Variants in CFAP54 observed in about 807,000 individuals in gnomAD.
CFAP54 encodes the protein cilia and flagella associated protein 54, also known as cilia- and flagella-associated protein 54.
In CFAP54, 290 loss-of-function variants were observed where a neutral mutation model predicts 370.4. The ratio of observed to expected loss-of-function variants is 0.78; its 90% CI spans 0.71 to 0.86. CFAP54 has a LOEUF of 0.86. CFAP54 is among the 40% of genes least tolerant of loss of function. CFAP54 has a pLI of 0.00. For missense variants in CFAP54, 3,399 were observed against 3,528.7 expected, an observed-to-expected ratio of 0.96 and a Z score of 0.93; for synonymous variants, 1,206 against 1,236.5, an observed-to-expected ratio of 0.98 and a Z score of 0.52.
At chr12:96,868,291 A>G (rs1489719517) in intron 67 of CFAP54, among the ~76,000 whole-genome samples, 2 of 152,062 alleles carry the variant, frequency 1.3e-5, no homozygotes, top group Admixed American at 6.6e-5. Context: ...TTGTACAAAA[A>G]TTTATTCTTA....
Position 96,764,184 on chromosome 12 carries a change from ACAT to A in CFAP54, c.8077_8079del (p.Ser2693del). The A allele has an allele frequency of 6.2e-7, 1 of 1,613,388 alleles. No homozygotes were observed. Among genetic ancestry groups the A allele is most frequent in the East Asian group, 2.2e-5 (1 of 44,850 alleles). ...CAGAAGAAGTAGTTCTGTTAAAGAA[ACAT>A]CAGCAAATAAATTTGAAATGTACAG... On this transcript the variant is annotated inframe_deletion, in exon 59 of 68. Transcript: ENST00000524981.
At chr12:96,811,310 G>C (rs1958925753) in intron 63 of CFAP54, among the ~76,000 whole-genome samples, 1 of 152,128 alleles carries the variant, frequency 6.6e-6, no homozygotes, top group African/African-American at 2.4e-5. Context: ...GTGTGGATTG[G>C]ATAAATGGAG....
Position 96,509,651 on chromosome 12 carries a change from A to G in CFAP54, c.739+2552A>G, listed in dbSNP as rs183412107. Among the ~76,000 whole-genome samples the G allele has an allele frequency of 2.0e-4, 31 of 152,116 alleles. No homozygotes were observed. The East Asian group carries it at 5.8e-3, about 29-fold the overall frequency. On this transcript the variant is annotated intron_variant, in intron 4 of 67. Transcript: ENST00000524981. ...GCTAACATGGTGAAACTGGGTCTCTACTAAAAGTACAAAAATTATCCGGGT... is the reference window on the plus strand; with the variant it reads ...GCTAACATGGTGAAACTGGGTCTCTGCTAAAAGTACAAAAATTATCCGGGT...
intron 67 of CFAP54, among the ~76,000 whole-genome samples, chr12:96,865,308 A>G (rs1305978211): frequency 6.6e-6 from 1 of 152,230 alleles, no homozygotes; most frequent in East Asian, 1.9e-4. Flanking sequence ...TGGATTAATA[A>G]CAGAGATATA....
chr12:96,563,759 C>T (rs1052574557), intron 17 of CFAP54, among the ~76,000 whole-genome samples: 12 of 152,186 alleles, frequency 7.9e-5, no homozygotes, highest in Admixed American at 6.5e-4. Flanking sequence ...TAGCTACCCT[C>T]GCATATCTCC....
intron 32 of CFAP54, among the ~76,000 whole-genome samples, chr12:96,636,650 C>A (rs1956666821): frequency 6.6e-6 from 1 of 152,010 alleles, no homozygotes; most frequent in Non-Finnish European, 1.5e-5. Flanking sequence ...TACTTTCTAT[C>A]TTCCTTTTAA....
At chr12:96,562,446 T>TG (rs3056795) in intron 17 of CFAP54, among the ~76,000 whole-genome samples, 1 of 149,870 alleles carries the variant, frequency 6.7e-6, no homozygotes, top group Non-Finnish European at 1.5e-5. Flanking sequence ...TTTTTTTTTT[T>TG]AAGACAGTCT....
chr12:96,489,786 C>T lies in CFAP54; in HGVS notation c.177C>T (p.Ala59=), dbSNP rs911981681. 5.9e-6 allele frequency: 9 copies of T among 1,536,110 alleles called. No homozygotes were observed. The South Asian group carries it at 7.1e-5, about 12-fold the overall frequency. ...GCCCCGAGGACTCATTGCCCCTAGC[C>T]GTGTTTTATGGGCCGCTGGACGCGA... ...WTCPEDSLPL[A]VFYGPLDAKN... Residue 59 remains alanine (A), a synonymous_variant, in exon 1 of 68, where the codon GCC becomes GCT. Transcript: ENST00000524981.
At chr12:96,506,082 G>A (rs1453218798) in intron 3 of CFAP54, among the ~76,000 whole-genome samples, 2 of 152,148 alleles carry the variant, frequency 1.3e-5, no homozygotes, top group African/African-American at 4.8e-5. Context: ...GCTCACGCCT[G>A]TAATCCTAGC....
intron 63 of CFAP54, among the ~76,000 whole-genome samples, chr12:96,806,581 T>C (rs1958885436): frequency 6.6e-6 from 1 of 152,088 alleles, no homozygotes; most frequent in South Asian, 2.1e-4. Context: ...AGCTCAGTCC[T>C]AGCAGGATAC....
chr12:96,577,568 A>G lies in CFAP54; in HGVS notation c.2796+807A>G, dbSNP rs139694155. On this transcript the variant is annotated intron_variant, in intron 20 of 67. Transcript: ENST00000524981. Reference sequence around the variant, plus strand: ...GAACATAGGCTTTGGAGTCAGACAGATTTAGGTTTATAATTCTAGCTCCAA... The same window carrying G: ...GAACATAGGCTTTGGAGTCAGACAGGTTTAGGTTTATAATTCTAGCTCCAA... Among the ~76,000 whole-genome samples the G allele has an allele frequency of 2.8e-4, 43 of 152,160 alleles. No homozygotes were observed. In the East Asian group the frequency reaches 8.1e-3, roughly 29 times the overall value.
intron 39 of CFAP54, among the ~76,000 whole-genome samples, chr12:96,678,545 C>T (rs1040429662): frequency 9.2e-5 from 14 of 152,306 alleles, no homozygotes; most frequent in African/African-American, 2.9e-4. Flanking sequence ...AGCTGCCTCA[C>T]CCTGCCTAGC....
Position 96,626,802 on chromosome 12 carries a change from T to G in CFAP54, c.3977-11T>G. ...ATTGTTAACTATATATGAACTTCCT[T>G]GTTATTACAGTTATGAAATTTAAGC... On this transcript the variant is annotated splice_polypyrimidine_tract_variant and intron_variant, in intron 29 of 67. Transcript: ENST00000524981. 7.6e-7 allele frequency: 1 copy of G among 1,313,954 alleles called. No homozygotes were observed. Among genetic ancestry groups the G allele is most frequent in the East Asian group, 2.6e-5 (1 of 38,812 alleles). The allele number at this position is 1,313,954 out of a possible 1,614,324, so 81.4% of individuals were successfully genotyped here. A position where few individuals can be genotyped will look rare whatever the true frequency, so the allele number is the denominator to read the frequency against.
intron 48 of CFAP54, among the ~76,000 whole-genome samples, chr12:96,711,464 T>TA (rs1161890514): frequency 1.3e-5 from 2 of 152,216 alleles, no homozygotes; most frequent in Non-Finnish European, 2.9e-5. Context: ...TTCTCAGTGT[T>TA]ACTTTGCTTA....
intron 26 of CFAP54, among the ~76,000 whole-genome samples, chr12:96,612,476 T>G (rs1956369223): frequency 6.6e-6 from 1 of 152,122 alleles, no homozygotes; most frequent in African/African-American, 2.4e-5. Flanking sequence ...AGAAACTGCA[T>G]CAACTAATGA....
intron 1 of CFAP54, among the ~76,000 whole-genome samples, chr12:96,498,057 C>T (rs780070813): frequency 6.6e-6 from 1 of 152,182 alleles, no homozygotes; most frequent in African/African-American, 2.4e-5. Context: ...ACAAACTGAT[C>T]TTTGGCAAGT....
Position 96,789,573 on chromosome 12 carries a change from A to G in CFAP54, c.8679+2675A>G, listed in dbSNP as rs145079612. Among the ~76,000 whole-genome samples the G allele has an allele frequency of 7.0e-3, 1,063 of 152,294 alleles. 15 individuals are homozygous for G. Among genetic ancestry groups the G allele is most frequent in the African/African-American group, 0.025 (1,019 of 41,550 alleles). On this transcript the variant is annotated intron_variant, in intron 62 of 67. Coordinates refer to ENST00000524981, the MANE Select transcript of CFAP54 (RefSeq NM_001306084.2). Reference sequence around the variant, plus strand: ...AAGAGTTTGGAAACTAATAGGTGTGATTTCTTAAATACTGTTCTACAAGGA... The same window carrying G: ...AAGAGTTTGGAAACTAATAGGTGTGGTTTCTTAAATACTGTTCTACAAGGA...
chr12:96,500,944 G>A lies in CFAP54; in HGVS notation c.423+5G>A. 1 of 1,519,428 alleles carries A rather than the reference G, an allele frequency of 6.6e-7. No individual in the cohort carries two copies. The highest frequency in any genetic ancestry group is 8.8e-7 in the Non-Finnish European group (1 of 1,132,520). The allele number at this position is 1,519,428 out of a possible 1,614,324, so 94.1% of individuals were successfully genotyped here. On this transcript the variant is annotated splice_donor_5th_base_variant and intron_variant, in intron 2 of 67. Coordinates refer to ENST00000524981, the MANE Select transcript of CFAP54 (RefSeq NM_001306084.2). ...GATAGCCTTTGTCAAATGAAAGTAAGTGCCTCTGCAGGAAAGAGCCAAAAA... is the reference window on the plus strand; with the variant it reads ...GATAGCCTTTGTCAAATGAAAGTAAATGCCTCTGCAGGAAAGAGCCAAAAA...
At chr12:96,550,710 G>A (rs1262277065) in intron 15 of CFAP54, among the ~76,000 whole-genome samples, 1 of 152,240 alleles carries the variant, frequency 6.6e-6, no homozygotes, top group Non-Finnish European at 1.5e-5. Flanking sequence ...ATATCCTCAA[G>A]CATGTTGCAG....
Sources: allele counts gnomAD v4.1 joint callset (sites outside exome capture counted in the v4.1 genomes callset), GRCh38; gene constraint gnomAD v4.1.1; transcripts MANE v1.5; gene names NCBI Gene and HGNC (gene_info 2026-07-23, HGNC 2026-07-21).